EPHB1: variants seen among roughly 807,000 people sequenced by gnomAD.
EPHB1 encodes ephrin type-B receptor 1.
A neutral mutation model predicts 94.4 loss-of-function variants in EPHB1; 30 were observed. The ratio of observed to expected loss-of-function variants is 0.32; its 90% CI spans 0.24 to 0.43. The LOEUF (loss-of-function observed/expected upper bound fraction) is 0.43. EPHB1 is among the 20% of genes least tolerant of loss of function. EPHB1 has a pLI of 1.00. For synonymous variants in EPHB1, 522 were observed against 489.1 expected (o/e 1.07, Z -0.89); for missense variants, 1,055 against 1,308.3 (o/e 0.81, Z 2.99).
chr3:134,824,790 G>A (rs2036445388), intron 1 of EPHB1, among the ~76,000 whole-genome samples: 1 of 152,144 alleles, frequency 6.6e-6, no homozygotes, highest in Non-Finnish European at 1.5e-5. Context: ...GGCCATGTAT[G>A]GGTACTTCAA....
Position 134,963,135 on chromosome 3 carries a change from CTCCTTCCTTCCTTCCTTCCTTCCT to C in EPHB1, c.805+11110_805+11133del, listed in dbSNP as rs59384593. Among the ~76,000 whole-genome samples the C allele has an allele frequency of 7.0e-3, 957 of 137,080 alleles. 8 individuals carry two copies. Among genetic ancestry groups the C allele is most frequent in the African/African-American group, 0.024 (898 of 37,194 alleles). 89.9% of individuals were successfully genotyped at this position (137,080 alleles called of 152,430 possible). On this transcript the variant is annotated intron_variant, in intron 3 of 15. Transcript: ENST00000398015. Reference sequence around the variant, plus strand: ...CTCTCCCTTCTTATACCTTCTCTTGCTCCTTCCTTCCTTCCTTCCTTCCTTCCTTCCTTCCTTCCTTCCTTCCTT... The same window carrying C: ...CTCTCCCTTCTTATACCTTCTCTTGCTCCTTCCTTCCTTCCTTCCTTCCTT...
intron 3 of EPHB1, among the ~76,000 whole-genome samples, chr3:135,039,194 A>G (rs1936746091): frequency 6.6e-6 from 1 of 152,110 alleles, no homozygotes; most frequent in Non-Finnish European, 1.5e-5. Context: ...CCTGAGCTAG[A>G]CATAAAGGTT....
At chr3:135,037,221 C>T (rs1000551801) in intron 3 of EPHB1, among the ~76,000 whole-genome samples, 1 of 152,198 alleles carries the variant, frequency 6.6e-6, no homozygotes. Flanking sequence ...TCCAGATGCA[C>T]TCTGAAAATG....
chr3:134,869,615 C>T (rs1191609189), intron 1 of EPHB1, among the ~76,000 whole-genome samples: 1 of 152,180 alleles, frequency 6.6e-6, no homozygotes, highest in Admixed American at 6.5e-5. Flanking sequence ...CAATTTCCAC[C>T]TCTAGCTTCT....
chr3:135,079,095 A>AC lies in EPHB1; in HGVS notation c.806-27353_806-27352insC, dbSNP rs886353307. On this transcript the variant is annotated intron_variant, in intron 3 of 15. Transcript: ENST00000398015. ...CATACGTAAAAACAAGCAAAAAAAA[A>AC]ACAAAACAAACAAACAAGCAAAAAC... Among the ~76,000 whole-genome samples, 6 of 140,410 alleles carry AC rather than the reference A, an allele frequency of 4.3e-5. No individual in the cohort carries two copies. The South Asian group carries it at 1.0e-3, about 24-fold the overall frequency. The allele number at this position is 140,410 out of a possible 152,430, so 92.1% of individuals were successfully genotyped here. A position where few individuals can be genotyped will look rare whatever the true frequency, so the allele number is the denominator to read the frequency against.
intron 1 of EPHB1, among the ~76,000 whole-genome samples, chr3:134,817,643 C>T (rs2036295837): frequency 6.6e-6 from 1 of 152,234 alleles, no homozygotes; most frequent in African/African-American, 2.4e-5. Flanking sequence ...ATTACCTGTC[C>T]ATTGGGGATG....
chr3:135,249,630 C>A, intron 15 of EPHB1, 139 bp downstream of exon 15: 1 of 933,800 alleles, frequency 1.1e-6, no homozygotes, highest in Non-Finnish European at 1.5e-6. Context: ...GGATGGGGAG[C>A]ACCTTGGAAA....
Position 134,951,122 on chromosome 3 carries a change from C to T in EPHB1, c.124-249C>T, listed in dbSNP as rs948688968. Among the ~76,000 whole-genome samples the T allele has an allele frequency of 6.6e-6, 1 of 152,094 alleles. No individual in the cohort carries two copies. Among genetic ancestry groups the T allele is most frequent in the Non-Finnish European group, 1.5e-5 (1 of 68,032 alleles). ...CACAGAATGAGCATTATGGGTTAGG[C>T]GAGGGACAGCTTTCTTGAATGAAGT... is the stretch of plus-strand genomic sequence containing the variant. On this transcript the variant is annotated intron_variant, in intron 2 of 15. Transcript: ENST00000398015. The surrounding 1 kb of genome is among the most constrained non-coding windows in gnomAD (Gnocchi z 4.5).
chr3:134,817,952 T>G (rs1166426433), intron 1 of EPHB1, among the ~76,000 whole-genome samples: 1 of 152,216 alleles, frequency 6.6e-6, no homozygotes, highest in Non-Finnish European at 1.5e-5. Context: ...AGACACCTCT[T>G]GAGGTCCTGT....
intron 3 of EPHB1, among the ~76,000 whole-genome samples, chr3:135,101,094 A>G (rs1939019259): frequency 6.6e-6 from 1 of 152,198 alleles, no homozygotes; most frequent in Non-Finnish European, 1.5e-5. Flanking sequence ...CACTGGTGTT[A>G]GAAATGTCCA....
At chr3:135,088,503 C>T (rs889493045) in intron 3 of EPHB1, among the ~76,000 whole-genome samples, 20 of 152,078 alleles carry the variant, frequency 1.3e-4, no homozygotes, top group African/African-American at 4.3e-4. Flanking sequence ...TAAAATAAGT[C>T]CGGGTTGGAT....
chr3:134,869,617 C>G (rs749986952), intron 1 of EPHB1, among the ~76,000 whole-genome samples: 4 of 152,338 alleles, frequency 2.6e-5, no homozygotes, highest in Non-Finnish European at 4.4e-5. Context: ...ATTTCCACCT[C>G]TAGCTTCTTT....
intron 1 of EPHB1, among the ~76,000 whole-genome samples, chr3:134,923,600 G>A (rs1436372418): frequency 6.6e-6 from 1 of 152,204 alleles, no homozygotes; most frequent in Non-Finnish European, 1.5e-5. Context: ...CAGGCTCTCA[G>A]CATTTCTCTT....
intron 3 of EPHB1, among the ~76,000 whole-genome samples, chr3:134,964,989 T>C (rs1001410139): frequency 6.6e-6 from 1 of 152,214 alleles, no homozygotes; most frequent in Non-Finnish European, 1.5e-5. Context: ...ATTGAATCAA[T>C]AGCAAATATT....
chr3:135,202,112 T>C (rs897932623), intron 12 of EPHB1, among the ~76,000 whole-genome samples: 3 of 152,106 alleles, frequency 2.0e-5, no homozygotes, highest in Admixed American at 2.0e-4. Context: ...CCTTCTCTCT[T>C]CTCTCTATAT....
intron 1 of EPHB1, among the ~76,000 whole-genome samples, chr3:134,863,434 G>A (rs559638727): frequency 4.6e-5 from 7 of 152,320 alleles, no homozygotes; most frequent in African/African-American, 1.2e-4. Flanking sequence ...AGGCCAAGGC[G>A]GGCAGATGTG....
chr3:135,054,998 A>G (rs894868432), intron 3 of EPHB1, among the ~76,000 whole-genome samples: 2 of 152,264 alleles, frequency 1.3e-5, no homozygotes, highest in Non-Finnish European at 2.9e-5. Flanking sequence ...ATAATGAAGA[A>G]GTAGGCAAAA....
At chr3:135,184,949 T>C (rs2107707081) in intron 10 of EPHB1, among the ~76,000 whole-genome samples, 1 of 152,348 alleles carries the variant, frequency 6.6e-6, no homozygotes, top group South Asian at 2.1e-4. Context: ...GCTCTACAGC[T>C]TGAATGGCAC....
At chr3:134,953,916 C>T (rs1320421768) in intron 3 of EPHB1, among the ~76,000 whole-genome samples, 1 of 152,340 alleles carries the variant, frequency 6.6e-6, no homozygotes, top group East Asian at 1.9e-4. Context: ...TTCCATTTCT[C>T]CTTCCCAGTC....
Sources: gnomAD v4.1 joint callset for allele counts (sites outside exome capture counted in the v4.1 genomes callset) on GRCh38, gnomAD v4.1.1 for gene constraint, Gnocchi (gnomAD v3.1) non-coding constraint, MANE v1.5 for transcripts, NCBI Gene and HGNC (gene_info 2026-07-23, HGNC 2026-07-21) for gene names.